The following CTCF variants were observed in gnomAD, a reference collection of about 807,000 sequenced individuals.
CTCF encodes transcriptional repressor CTCF.
In CTCF, 7 loss-of-function variants were observed where a neutral mutation model predicts 72.3. The ratio of observed to expected loss-of-function variants is 0.10; its 90% CI spans 0.06 to 0.18. The LOEUF (loss-of-function observed/expected upper bound fraction) is 0.18, where lower values mean the gene tolerates loss of function less well. Among genes scored for constraint, CTCF ranks in the 10% least tolerant of loss-of-function variants. CTCF has a pLI of 1.00. For synonymous variants in CTCF, 374 were observed against 315.8 expected (o/e 1.18, Z -1.95); for missense variants, 516 against 949.1 (o/e 0.54, Z 6.00).
chr16:67,621,143 TG>T, intron 6 of CTCF: 3 of 364,308 alleles, frequency 8.2e-6, no homozygotes, highest in Non-Finnish European at 1.5e-5. Context: ...TCCTGGATAT[TG>T]TCTTTTCCTA....
intron 6 of CTCF, chr16:67,621,207 C>A: frequency 2.3e-6 from 1 of 434,822 alleles, no homozygotes; most frequent in Non-Finnish European, 4.1e-6. Context: ...GTAAGCATTG[C>A]TGTAATGTGG....
At chr16:67,624,071 ATGTGTG>A (rs58387336) in intron 7 of CTCF, among the ~76,000 whole-genome samples, 3,045 of 117,548 alleles carry the variant, frequency 0.026, 90 homozygotes, top group African/African-American at 0.073. Context: ...AAAATTATAT[ATGTGTG>A]TGTGTGTGTG....
chr16:67,571,046 C>T (rs1017706143), intron 1 of CTCF, 102 bp from the exon 2 acceptor site: 9 of 152,208 alleles, frequency 5.9e-5, no homozygotes, highest in Non-Finnish European at 1.0e-4. Flanking sequence ...TTGTTTCTTT[C>T]CCAATTTTTT....
intron 1 of CTCF, among the ~76,000 whole-genome samples, chr16:67,566,675 C>T (rs2051347413): frequency 1.3e-5 from 2 of 151,650 alleles, no homozygotes; most frequent in South Asian, 4.2e-4. Flanking sequence ...CTCCCAGGTT[C>T]ACGCCATTCT....
rs2052237338 is a variant in CTCF, at chr16:67,623,844, TGAA to T, written c.1357+2256_1357+2258del. ...ATGGGCGGATCACAAGGTCAGGAGA[TGAA>T]GACCATCCTGGCTAACACAGTGAAA... On this transcript the variant is annotated intron_variant, in intron 7 of 11. Transcript: ENST00000264010. 3.3e-5 allele frequency among the ~76,000 whole-genome samples: 5 copies of T among 152,136 alleles called. No individual in the cohort carries two copies. The South Asian group carries it at 8.3e-4, about 25-fold the overall frequency.
At chr16:67,590,174 C>T (rs550878246) in intron 2 of CTCF, among the ~76,000 whole-genome samples, 6 of 151,144 alleles carry the variant, frequency 4.0e-5, no homozygotes, top group Admixed American at 2.0e-4. Flanking sequence ...CACCTTTTGG[C>T]GAAAGAATTA....
chr16:67,637,570 G>A (rs1053201952), intron 11 of CTCF, 118 bp from the exon 12 acceptor site: 7 of 758,264 alleles, frequency 9.2e-6, no homozygotes, highest in East Asian at 2.5e-5. Flanking sequence ...TCTCTGGACC[G>A]CTATCTAATA....
chr16:67,569,788 C>A (rs184969112), intron 1 of CTCF, among the ~76,000 whole-genome samples: 1 of 151,144 alleles, frequency 6.6e-6, no homozygotes, highest in Admixed American at 6.6e-5. Flanking sequence ...TGGGTTCAGG[C>A]GATTCTCCTG....
At chr16:67,612,595 AAAG>A (rs1252741558) in intron 4 of CTCF, 3 of 149,010 alleles carry the variant, frequency 2.0e-5, no homozygotes, top group Non-Finnish European at 3.0e-5. Flanking sequence ...GTCTAAAAAA[AAAG>A]AAAAGAAAAG....
At chr16:67,609,941 T>A (rs909535956) in intron 2 of CTCF, among the ~76,000 whole-genome samples, 2 of 152,122 alleles carry the variant, frequency 1.3e-5, no homozygotes, top group Non-Finnish European at 2.9e-5. Flanking sequence ...TGATAATTCT[T>A]TGTGGTGGAG....
chr16:67,637,828 G>A lies in CTCF; in HGVS notation c.2140G>A (p.Gly714Arg), dbSNP rs1385636609. 1 of 1,612,654 alleles carries A rather than the reference G, an allele frequency of 6.2e-7. No homozygotes were observed. The highest frequency in any genetic ancestry group is 1.7e-5 in the Admixed American group (1 of 60,012). ...GCCAGCTGCCACAGATGCCCCCAAC[G>A]GAGACCTCACGCCCGAGATGATCCT... is the stretch of plus-strand genomic sequence containing the variant. The part of the protein sequence containing the change: ...AQPAATDAPN[G>R]DLTPEMILSM... Residue 714 changes from glycine to arginine, a missense_variant, in exon 12 of 12, where the codon GGA (glycine) becomes AGA (arginine). Transcript: ENST00000264010.
In CTCF at chr16:67,628,534, G is replaced by T. The variant is rs1244062875; in HGVS notation, c.1683G>T (p.Gly561=). The T allele has an allele frequency of 2.5e-6, 4 of 1,613,990 alleles. No individual in the cohort carries two copies. Among genetic ancestry groups the T allele is most frequent in the Non-Finnish European group, 3.4e-6 (4 of 1,179,958 alleles). ...VPAAFVCSKC[G]KTFTRRNTMA... Reference sequence around the variant, plus strand: ...CGGCTTTTGTCTGTTCTAAGTGTGGGAAAACATTTACACGTCGGGTAAGGG... The same window carrying T: ...CGGCTTTTGTCTGTTCTAAGTGTGGTAAAACATTTACACGTCGGGTAAGGG... The change falls in exon 9 of 12, where the codon GGG becomes GGT. Residue 561 remains glycine (G), a synonymous_variant. Coordinates refer to ENST00000264010, the MANE Select transcript of CTCF (RefSeq NM_006565.4).
chr16:67,621,300 C>T (rs985769232), intron 6 of CTCF, 142 bp from the exon 7 acceptor site: 28 of 612,212 alleles, frequency 4.6e-5, no homozygotes, highest in South Asian at 6.6e-5. Context: ...AGACAAGATC[C>T]GGGAACTGGG....
intron 2 of CTCF, among the ~76,000 whole-genome samples, chr16:67,584,491 G>A (rs1264700149): frequency 6.6e-6 from 1 of 151,364 alleles, no homozygotes; most frequent in African/African-American, 2.4e-5. Context: ...CAGGCGTGGT[G>A]GAATTTTTGT....
chr16:67,604,964 ATTTTTT>A (rs34873720), intron 2 of CTCF, among the ~76,000 whole-genome samples: 5 of 73,780 alleles, frequency 6.8e-5, no homozygotes, highest in African/African-American at 2.5e-4. Context: ...TATAAATGGG[ATTTTTT>A]TTTTTTTTTT....
chr16:67,562,823 G>A (rs1473203652), intron 1 of CTCF, 99 bp downstream of exon 1: 1 of 149,184 alleles, frequency 6.7e-6, no homozygotes. Flanking sequence ...CGCCAGCGCC[G>A]CCGCCGGGGG....
intron 2 of CTCF, among the ~76,000 whole-genome samples, chr16:67,595,793 C>T (rs2051804693): frequency 6.6e-6 from 1 of 152,092 alleles, no homozygotes; most frequent in African/African-American, 2.4e-5. Flanking sequence ...TGTCCGCCCT[C>T]CCTTTTTAAA....
chr16:67,615,657 C>A (rs937939542), intron 4 of CTCF: 1 of 152,168 alleles, frequency 6.6e-6, no homozygotes, highest in Non-Finnish European at 1.5e-5. Context: ...CTTTTCTTCT[C>A]TTGTTAATTG....
intron 2 of CTCF, among the ~76,000 whole-genome samples, chr16:67,608,477 C>T (rs1335995123): frequency 1.3e-5 from 2 of 152,006 alleles, no homozygotes; most frequent in South Asian, 2.1e-4. Context: ...CCATTGCAGT[C>T]TGGATCTAAG....
Sources: gnomAD v4.1 joint callset for allele counts (sites outside exome capture counted in the v4.1 genomes callset) on GRCh38, gnomAD v4.1.1 for gene constraint, MANE v1.5 for transcripts, NCBI Gene and HGNC (gene_info 2026-07-23, HGNC 2026-07-21) for gene names.